The following FYN variants were observed in gnomAD, a reference collection of about 807,000 sequenced individuals.
FYN encodes the protein FYN proto-oncogene, Src family tyrosine kinase, also known as tyrosine-protein kinase Fyn.
FYN carries 10 observed loss-of-function variants against 70.2 expected under a neutral mutation model. That is an observed-to-expected ratio of 0.14 (90% CI 0.09 to 0.24). The LOEUF is 0.24. Among genes scored for constraint, FYN ranks in the 10% least tolerant of loss-of-function variants. The pLI, the probability that FYN is intolerant of heterozygous loss-of-function variation, is 1.00. For missense variants in FYN, 319 were observed against 673.1 expected, an observed-to-expected ratio of 0.47 and a Z score of 5.82; for synonymous variants, 236 against 248.6, an observed-to-expected ratio of 0.95 and a Z score of 0.48.
intron 12 of FYN, among the ~76,000 whole-genome samples, chr6:111,683,988 G>A (rs1252143743): frequency 1.3e-5 from 2 of 152,194 alleles, no homozygotes; most frequent in Non-Finnish European, 2.9e-5. Context: ...ACAACTGGGT[G>A]TTTTCCAGTT....
Position 111,694,783 on chromosome 6 carries a change from T to C in FYN, c.1043-79A>G. On this transcript the variant is annotated intron_variant, in intron 10 of 13. Coordinates refer to ENST00000354650, the MANE Select transcript of FYN (RefSeq NM_002037.5). This position sits in a 1 kb window ranked among gnomAD's most constrained non-coding sequence, Gnocchi z 5.0. Reference sequence around the variant, plus strand: ...AGAGAGCTGTATTTGGTTTTCTTATTAAAAGTAATAAGGTAGTCAAATGGA... The same window carrying C: ...AGAGAGCTGTATTTGGTTTTCTTATCAAAAGTAATAAGGTAGTCAAATGGA... 1 of 1,260,734 alleles carries C rather than the reference T, an allele frequency of 7.9e-7. No homozygotes were observed. The highest frequency in any genetic ancestry group is 1.1e-6 in the Non-Finnish European group (1 of 890,036). 78.1% of individuals were successfully genotyped at this position (1,260,734 alleles called of 1,614,324 possible).
chr6:111,847,846 G>C (rs914238942), intron 1 of FYN, among the ~76,000 whole-genome samples: 3 of 152,232 alleles, frequency 2.0e-5, no homozygotes, highest in African/African-American at 4.8e-5. Context: ...ACTCACTGGA[G>C]ATGAGCAAGA....
At chr6:111,849,757 A>ATC (rs1226597199) in intron 1 of FYN, among the ~76,000 whole-genome samples, 2 of 152,158 alleles carry the variant, frequency 1.3e-5, no homozygotes, top group African/African-American at 4.8e-5. Flanking sequence ...TGTCATTCCA[A>ATC]TCTCACCAAC....
rs1583398292 is a variant in FYN at position 111,745,702 on chromosome 6, G to A, written c.-11-25640C>T. Among the ~76,000 whole-genome samples the A allele has an allele frequency of 3.3e-5, 5 of 152,230 alleles. No individual in the cohort carries two copies. The South Asian group carries it at 1.0e-3, about 32-fold the overall frequency. ...TTAACAACAGGCAGCATGTTCTGGA[G>A]GGAGAAGGTGAGCAGGTAAGTGAAA... On this transcript the variant is annotated intron_variant, in intron 3 of 13. Transcript: ENST00000354650.
intron 2 of FYN, chr6:111,818,808 G>A (rs533712886): frequency 6.6e-6 from 1 of 152,284 alleles, no homozygotes; most frequent in East Asian, 1.9e-4. Context: ...TTGTAACATC[G>A]TAGCAGCTCC....
In FYN at chr6:111,796,565, C is replaced by T. The variant is rs565371880; in HGVS notation, c.-81-15930G>A. On this transcript the variant is annotated intron_variant, in intron 2 of 13. Coordinates refer to ENST00000354650, the MANE Select transcript of FYN (RefSeq NM_002037.5). The stretch of plus-strand genomic sequence containing the variant: ...AATGTATCCCTGTCCTGAAGCAACG[C>T]GTGACTGTACATAACTATCTGCTGG... Among the ~76,000 whole-genome samples the T allele has an allele frequency of 1.6e-4, 25 of 152,286 alleles. No individual in the cohort carries two copies. The Middle Eastern group carries it at 0.01, about 62-fold the overall frequency.
intron 1 of FYN, among the ~76,000 whole-genome samples, chr6:111,849,004 G>A (rs558297781): frequency 5.9e-5 from 9 of 152,316 alleles, no homozygotes; most frequent in Non-Finnish European, 7.4e-5. Context: ...CCCCGTGTGT[G>A]TGTGCATGTG....
chr6:111,782,083 G>A (rs573617044), intron 2 of FYN, among the ~76,000 whole-genome samples: 1 of 152,212 alleles, frequency 6.6e-6, no homozygotes, highest in South Asian at 2.1e-4. Flanking sequence ...TACATGCATG[G>A]ACCCAGCTTT....
intron 3 of FYN, among the ~76,000 whole-genome samples, chr6:111,732,486 A>AGGGTGAAGGC (rs377674665): frequency 8.5e-4 from 130 of 152,256 alleles, no homozygotes; most frequent in African/African-American, 3.1e-3. Context: ...CGAGCGGTGG[A>AGGGTGAAGGC]GGGTGAAGGC....
At chr6:111,797,341 C>T (rs1771837592) in intron 2 of FYN, among the ~76,000 whole-genome samples, 2 of 152,036 alleles carry the variant, frequency 1.3e-5, no homozygotes, top group South Asian at 4.2e-4. Context: ...GTATTTGTGG[C>T]AAATAAATTT....
intron 2 of FYN, among the ~76,000 whole-genome samples, chr6:111,795,514 G>GCAAATTAGTACAGGAATCACA (rs1183376383): frequency 6.6e-6 from 1 of 152,172 alleles, no homozygotes; most frequent in Non-Finnish European, 1.5e-5. Context: ...ATCACACAGA[G>GCAAATTAGTACAGGAATCACA]CATTATTTTG....
intron 3 of FYN, among the ~76,000 whole-genome samples, chr6:111,732,395 G>A (rs185532617): frequency 2.6e-5 from 4 of 152,310 alleles, no homozygotes; most frequent in Admixed American, 2.6e-4. Flanking sequence ...CAGGATTCTG[G>A]TATCAGGCAG....
At chr6:111,770,879 C>T (rs1018694846) in intron 3 of FYN, among the ~76,000 whole-genome samples, 5 of 152,084 alleles carry the variant, frequency 3.3e-5, no homozygotes, top group African/African-American at 1.2e-4. Flanking sequence ...TGCCCATGAC[C>T]CAAATACCTC....
chr6:111,799,253 T>A (rs1771908512), intron 2 of FYN, among the ~76,000 whole-genome samples: 2 of 152,212 alleles, frequency 1.3e-5, no homozygotes, highest in African/African-American at 4.8e-5. Flanking sequence ...ACAGGAAGGA[T>A]GCCAACCATA....
intron 2 of FYN, among the ~76,000 whole-genome samples, chr6:111,790,843 A>T (rs538382624): frequency 4.6e-5 from 7 of 152,238 alleles, no homozygotes; most frequent in African/African-American, 1.7e-4. Context: ...ATACCTAGGA[A>T]TAAGTCCAAC....
Position 111,846,627 on chromosome 6 carries a change from A to C in FYN, c.-120T>G, listed in dbSNP as rs889608963. The C allele has an allele frequency of 1.3e-5, 5 of 398,984 alleles. No homozygotes were observed. In the East Asian group the frequency reaches 1.4e-4, roughly 11 times the overall value. 24.7% of individuals were successfully genotyped at this position (398,984 alleles called of 1,614,324 possible). On this transcript the variant is annotated splice_region_variant and 5_prime_UTR_variant, in exon 2 of 14. Transcript: ENST00000354650. ...AGATCAGCATCCTGCTTCTTCAAAA[A>C]AACTGTAGAAGAAGAAAAAAAAAAG...
At chr6:111,797,575 T>C (rs1032598610) in intron 2 of FYN, among the ~76,000 whole-genome samples, 3 of 149,252 alleles carry the variant, frequency 2.0e-5, no homozygotes, top group African/African-American at 7.3e-5. Flanking sequence ...GCTCACACAA[T>C]GGAAAACTTC....
chr6:111,810,219 A>G (rs1481698034), intron 2 of FYN, among the ~76,000 whole-genome samples: 1 of 152,226 alleles, frequency 6.6e-6, no homozygotes, highest in Non-Finnish European at 1.5e-5. Flanking sequence ...AATATACATC[A>G]TGAGGGTAAG....
chr6:111,735,140 G>A (rs143503298), intron 3 of FYN, among the ~76,000 whole-genome samples: 11 of 152,324 alleles, frequency 7.2e-5, no homozygotes, highest in African/African-American at 1.4e-4. Flanking sequence ...TCAAAGAACC[G>A]TAAGTGTTCT....
Sources: allele counts gnomAD v4.1 joint callset (sites outside exome capture counted in the v4.1 genomes callset), GRCh38; gene constraint gnomAD v4.1.1; non-coding constraint Gnocchi (gnomAD v3.1); transcripts MANE v1.5; gene names NCBI Gene and HGNC (gene_info 2026-07-23, HGNC 2026-07-21).